Variants in GNPTAB observed in about 807,000 individuals in gnomAD.
GNPTAB encodes N-acetylglucosamine-1-phosphate transferase subunits alpha and beta, also known as N-acetylglucosamine-1-phosphotransferase subunits alpha/beta.
In GNPTAB, 92 loss-of-function variants were observed where a neutral mutation model predicts 136.6. That is an observed-to-expected ratio of 0.67 (90% CI 0.57 to 0.80). The LOEUF is 0.80. Ranked by LOEUF, GNPTAB falls within the 30% of genes least tolerant of loss-of-function variation. The pLI is 0.00. For missense variants in GNPTAB, 1,343 were observed against 1,501.8 expected, an observed-to-expected ratio of 0.89 and a Z score of 1.75; for synonymous variants, 512 against 535.1, an observed-to-expected ratio of 0.96 and a Z score of 0.60.
In GNPTAB at chr12:101,788,449, A is replaced by G. The variant is rs965440068; in HGVS notation, c.365+99T>C. ...TGGGGTCAAAAACTATATGGATAAT[A>G]AACACAAAATCCTGTGTACCCAATA... On this transcript the variant is annotated intron_variant, in intron 4 of 20. Transcript: ENST00000299314. 16 of 804,822 alleles carry G rather than the reference A, an allele frequency of 2.0e-5. No homozygotes were observed. In the African/African-American group the frequency reaches 2.8e-4, roughly 14 times the overall value. 49.9% of individuals were successfully genotyped at this position (804,822 alleles called of 1,614,324 possible). A position where few individuals can be genotyped will look rare whatever the true frequency, so the allele number is the denominator to read the frequency against.
rs74958538 is a variant in GNPTAB, at chr12:101,825,251, C to T, written c.117+5308G>A. Among the ~76,000 whole-genome samples the T allele has an allele frequency of 3.0e-3, 451 of 152,288 alleles. 2 individuals carry two copies. The highest frequency in any genetic ancestry group is 1.0e-2 in the African/African-American group (415 of 41,558). ...TTATTTGTATCTCTGACAGCATTTT[C>T]CACTGTATATTCTGACGACAGCATC... is the stretch of plus-strand genomic sequence containing the variant. On this transcript the variant is annotated intron_variant, in intron 1 of 20. Coordinates refer to ENST00000299314, the MANE Select transcript of GNPTAB (RefSeq NM_024312.5).
intron 5 of GNPTAB, among the ~76,000 whole-genome samples, chr12:101,783,858 G>A (rs1172108313): frequency 6.6e-6 from 1 of 151,876 alleles, no homozygotes; most frequent in Non-Finnish European, 1.5e-5. Context: ...GGGATTACAG[G>A]TGCATGCCAT....
At chr12:101,789,246 C>T (rs1384873881) in intron 3 of GNPTAB, among the ~76,000 whole-genome samples, 3 of 152,242 alleles carry the variant, frequency 2.0e-5, no homozygotes, top group Middle Eastern at 3.4e-3. Context: ...AAGAGCAAGC[C>T]GTTACTAGAG....
chr12:101,793,829 C>T (rs569252688), intron 2 of GNPTAB, among the ~76,000 whole-genome samples: 194 of 152,056 alleles, frequency 1.3e-3, no homozygotes, highest in African/African-American at 3.7e-3. Context: ...TTTTGTCTTA[C>T]TTATTTATTT....
intron 8 of GNPTAB, 86 bp downstream of exon 8, chr12:101,770,910 C>A: frequency 8.1e-7 from 1 of 1,234,528 alleles, no homozygotes. Context: ...CTGTAAGTCC[C>A]CTTCCCTCTT....
At chr12:101,763,462 GGTCT>G (rs1226555606) in intron 13 of GNPTAB, among the ~76,000 whole-genome samples, 4 of 149,332 alleles carry the variant, frequency 2.7e-5, no homozygotes, top group Admixed American at 1.3e-4. Context: ...TTTTTTTTTT[GGTCT>G]GTCAACTCCC....
At chr12:101,791,726 C>G (rs1454053834) in intron 2 of GNPTAB, among the ~76,000 whole-genome samples, 1 of 152,186 alleles carries the variant, frequency 6.6e-6, no homozygotes, top group East Asian at 1.9e-4. Context: ...CCTAGACTTT[C>G]AGTTGCTACC....
In GNPTAB at chr12:101,746,982, G is replaced by C. The variant is rs1385966631; in HGVS notation, c.*182C>G. 6 of 607,774 alleles carry C rather than the reference G, an allele frequency of 9.9e-6. No individual in the cohort carries two copies. Among genetic ancestry groups the C allele is most frequent in the Non-Finnish European group, 1.8e-5 (6 of 336,328 alleles). The allele number at this position is 607,774 out of a possible 1,614,324, so 37.6% of individuals were successfully genotyped here. A position where few individuals can be genotyped will look rare whatever the true frequency, so the allele number is the denominator to read the frequency against. On this transcript the variant is annotated 3_prime_UTR_variant, in exon 21 of 21. Coordinates refer to ENST00000299314, the MANE Select transcript of GNPTAB (RefSeq NM_024312.5). ...GAGCTGCTCAACACACAAGTTTTCA[G>C]TGGGTTGGTTAAATAATTCCTGGTC...
At chr12:101,767,931 T>TG in intron 11 of GNPTAB, 106 bp downstream of exon 11, 1 of 1,232,902 alleles carries the variant, frequency 8.1e-7, no homozygotes, top group Non-Finnish European at 1.2e-6. Flanking sequence ...TGATTCTTTA[T>TG]TAATACATAA....
intron 5 of GNPTAB, among the ~76,000 whole-genome samples, chr12:101,784,776 A>AG (rs1013482854): frequency 1.3e-5 from 2 of 152,064 alleles, no homozygotes; most frequent in African/African-American, 4.8e-5. Context: ...TTAAGCTGGG[A>AG]GGTATGACAC....
chr12:101,825,739 T>C (rs1871054919), intron 1 of GNPTAB, among the ~76,000 whole-genome samples: 1 of 152,214 alleles, frequency 6.6e-6, no homozygotes, highest in Non-Finnish European at 1.5e-5. Flanking sequence ...TAAATGTATA[T>C]TCACAAAACA....
chr12:101,788,536 C>G lies in GNPTAB; in HGVS notation c.365+12G>C. On this transcript the variant is annotated intron_variant, in intron 4 of 20. Coordinates refer to ENST00000299314, the MANE Select transcript of GNPTAB (RefSeq NM_024312.5). ...TCACTTTTTACTCTTGAGAGGAAAT[C>G]AAAATGCTTACCTCTTCTTAGTAGG... 1 of 1,507,412 alleles carries G rather than the reference C, an allele frequency of 6.6e-7. No individual in the cohort carries two copies. The highest frequency in any genetic ancestry group is 9.2e-7 in the Non-Finnish European group (1 of 1,082,750). The allele number at this position is 1,507,412 out of a possible 1,614,324, so 93.4% of individuals were successfully genotyped here.
intron 5 of GNPTAB, among the ~76,000 whole-genome samples, chr12:101,781,721 A>C (rs974944033): frequency 4.6e-5 from 7 of 152,162 alleles, no homozygotes; most frequent in African/African-American, 1.7e-4. Flanking sequence ...GTGAGCACTG[A>C]GAAAAGAAAG....
chr12:101,754,997 G>C lies in GNPTAB; in HGVS notation c.3435-1458C>G, dbSNP rs542306501. Among the ~76,000 whole-genome samples the C allele has an allele frequency of 4.6e-5, 7 of 152,222 alleles. No homozygotes were observed. The South Asian group carries it at 1.5e-3, about 32-fold the overall frequency. On this transcript the variant is annotated intron_variant, in intron 18 of 20. Transcript: ENST00000299314. ...ACTTAAAAACCAAAAAAACACATAA[G>C]TCTTTATGAAAGTTAAGAGGAGTGA...
chr12:101,808,012 C>T (rs980121432), intron 1 of GNPTAB, among the ~76,000 whole-genome samples: 4 of 151,940 alleles, frequency 2.6e-5, no homozygotes, highest in Non-Finnish European at 5.9e-5. Flanking sequence ...GCACCCCCTG[C>T]TAAAAAAGAA....
chr12:101,764,968 T>C lies in GNPTAB; in HGVS notation c.1949A>G (p.Glu650Gly), dbSNP rs140418625. 1.9e-6 allele frequency: 3 copies of C among 1,614,194 alleles called. No individual in the cohort carries two copies. The highest frequency in any genetic ancestry group is 2.5e-6 in the Non-Finnish European group (3 of 1,180,018). The change falls in exon 13 of 21, where the codon GAA becomes GGA. Residue 650 changes from glutamate to glycine, a missense_variant. Transcript: ENST00000299314. ...KLNSTAQKGY[E>G]NLVSPITLLP... ...AAGTGTTATGGGACTAACTAAATTT[T>C]CGTAACCCTTCTGGGCTGTAGAATT...
At chr12:101,777,239 C>G (rs1953274078) in intron 7 of GNPTAB, among the ~76,000 whole-genome samples, 1 of 152,214 alleles carries the variant, frequency 6.6e-6, no homozygotes, top group South Asian at 2.1e-4. Flanking sequence ...ATGGGAACGT[C>G]TTACTGGGCT....
intron 3 of GNPTAB, 28 bp downstream of exon 3, chr12:101,789,910 C>G (rs1868880728): frequency 6.2e-7 from 1 of 1,609,950 alleles, no homozygotes; most frequent in Non-Finnish European, 8.5e-7. Flanking sequence ...CATTACCCAT[C>G]TGATGTGAAA....
Position 101,762,522 on chromosome 12 carries a change from G to A in GNPTAB, c.2716-759C>T, listed in dbSNP as rs557120686. Among the ~76,000 whole-genome samples, 336 of 152,238 alleles carry A rather than the reference G, an allele frequency of 2.2e-3. 1 individual carries two copies. The highest frequency in any genetic ancestry group is 6.4e-3 in the South Asian group (31 of 4,826). ...ACTGAAATGTAAGATATATGTACAA[G>A]AGAATTCACTGCAACACTATTTGTA... On this transcript the variant is annotated intron_variant, in intron 13 of 20. Coordinates refer to ENST00000299314, the MANE Select transcript of GNPTAB (RefSeq NM_024312.5).
Sources: gnomAD v4.1 joint callset for allele counts (sites outside exome capture counted in the v4.1 genomes callset) on GRCh38, gnomAD v4.1.1 for gene constraint, MANE v1.5 for transcripts, NCBI Gene and HGNC (gene_info 2026-07-23, HGNC 2026-07-21) for gene names.